The following BCAT1 variants were observed in gnomAD, a reference collection of about 807,000 sequenced individuals.
The protein encoded by BCAT1 is branched-chain-amino-acid aminotransferase, cytosolic.
BCAT1 carries 48 observed loss-of-function variants against 52.4 expected under a neutral mutation model. The observed-to-expected ratio is 0.92, with a 90% confidence interval of 0.73 to 1.16. The LOEUF is 1.16. BCAT1 is among the 50% of genes most tolerant of loss of function. BCAT1 has a pLI of 0.00. For missense variants in BCAT1, 451 were observed against 457.1 expected, an observed-to-expected ratio of 0.99 and a Z score of 0.12; for synonymous variants, 167 against 161.3, an observed-to-expected ratio of 1.04 and a Z score of -0.27.
At chr12:24,941,319 T>C (rs1943845249) in intron 1 of BCAT1, among the ~76,000 whole-genome samples, 1 of 152,198 alleles carries the variant, frequency 6.6e-6, no homozygotes. Flanking sequence ...TGCAGCTATA[T>C]GAGTCTGGCA....
At chr12:24,924,642 C>T (rs1943552977) in intron 1 of BCAT1, among the ~76,000 whole-genome samples, 1 of 151,684 alleles carries the variant, frequency 6.6e-6, no homozygotes. Flanking sequence ...CTGAATTATT[C>T]AAAACAATGT....
At chr12:24,917,348 T>C (rs1005597260) in intron 1 of BCAT1, among the ~76,000 whole-genome samples, 2 of 152,108 alleles carry the variant, frequency 1.3e-5, no homozygotes, top group Non-Finnish European at 2.9e-5. Context: ...CCGGCTAATT[T>C]TGTTTTTGTG....
chr12:24,913,523 C>A (rs1408297441), intron 1 of BCAT1, among the ~76,000 whole-genome samples: 1 of 152,176 alleles, frequency 6.6e-6, no homozygotes, highest in Non-Finnish European at 1.5e-5. Flanking sequence ...CTCAGGGTTG[C>A]CATCCAACAG....
intron 5 of BCAT1, among the ~76,000 whole-genome samples, chr12:24,860,994 C>T (rs1941834970): frequency 6.6e-6 from 1 of 152,150 alleles, no homozygotes; most frequent in East Asian, 1.9e-4. Context: ...TACAAATAAC[C>T]AGGCCAAGCA....
chr12:24,884,990 A>G (rs1279547669), intron 3 of BCAT1, among the ~76,000 whole-genome samples: 1 of 152,216 alleles, frequency 6.6e-6, no homozygotes, highest in Non-Finnish European at 1.5e-5. Context: ...CGTTATACTT[A>G]ATGGTAAAAT....
intron 1 of BCAT1, among the ~76,000 whole-genome samples, chr12:24,918,735 G>T (rs2139716969): frequency 6.6e-6 from 1 of 152,270 alleles, no homozygotes; most frequent in South Asian, 2.1e-4. Flanking sequence ...AGAATCGCAA[G>T]TCACTGTGAC....
At chr12:24,868,123 A>G (rs1942078080) in intron 5 of BCAT1, among the ~76,000 whole-genome samples, 1 of 152,258 alleles carries the variant, frequency 6.6e-6, no homozygotes, top group African/African-American at 2.4e-5. Context: ...GAAATGGCAG[A>G]TTCCCTCAGA....
At chr12:24,880,617 C>G (rs1942464955) in intron 4 of BCAT1, among the ~76,000 whole-genome samples, 1 of 152,178 alleles carries the variant, frequency 6.6e-6, no homozygotes, top group Non-Finnish European at 1.5e-5. Flanking sequence ...ATCTTGCTAG[C>G]ATCTAAAGCA....
chr12:24,872,397 T>A (rs966274924), intron 5 of BCAT1, among the ~76,000 whole-genome samples: 9 of 152,238 alleles, frequency 5.9e-5, no homozygotes, highest in Non-Finnish European at 4.4e-5. Context: ...ATGGGAGTTC[T>A]AATGAACATT....
chr12:24,840,551 A>G (rs1253136645), intron 7 of BCAT1, among the ~76,000 whole-genome samples: 1 of 152,186 alleles, frequency 6.6e-6, no homozygotes, highest in Admixed American at 6.5e-5. Flanking sequence ...GATGAGAATG[A>G]TCTGTATCTG....
intron 1 of BCAT1, among the ~76,000 whole-genome samples, chr12:24,915,129 G>A (rs1012152546): frequency 2.0e-5 from 3 of 148,616 alleles, no homozygotes; most frequent in African/African-American, 7.4e-5. Context: ...TTTTTTTTTT[G>A]CTTTGATATT....
rs2139296358 is a variant in BCAT1 at position 24,816,395 on chromosome 12, TTC to T, written c.*1611_*1612del. 4 of 397,016 alleles carry T rather than the reference TTC, an allele frequency of 1.0e-5. No homozygotes were observed. In the East Asian group the frequency reaches 1.4e-4, roughly 14 times the overall value. The allele number at this position is 397,016 out of a possible 1,614,324, so 24.6% of individuals were successfully genotyped here. ...AGTTGACCTTCCAAGGAAAAATGTTTTCTGTCAAGATTTGACTTTCCTTAGAT... is the reference window on the plus strand; with the variant it reads ...AGTTGACCTTCCAAGGAAAAATGTTTTGTCAAGATTTGACTTTCCTTAGAT... On this transcript the variant is annotated 3_prime_UTR_variant, in exon 11 of 11. Transcript: ENST00000261192.
At chr12:24,944,798 T>C (rs1334552741) in intron 1 of BCAT1, among the ~76,000 whole-genome samples, 1 of 152,242 alleles carries the variant, frequency 6.6e-6, no homozygotes, top group Admixed American at 6.5e-5. Flanking sequence ...GAAAGAGCCA[T>C]ATGTTTTTCA....
intron 5 of BCAT1, among the ~76,000 whole-genome samples, chr12:24,870,096 A>G (rs959220490): frequency 5.9e-5 from 9 of 152,072 alleles, no homozygotes; most frequent in Non-Finnish European, 4.4e-5. Flanking sequence ...AGAACCCTGG[A>G]TGGAAATGAG....
At chr12:24,859,320 A>T (rs1941782701) in intron 5 of BCAT1, among the ~76,000 whole-genome samples, 1 of 152,202 alleles carries the variant, frequency 6.6e-6, no homozygotes, top group African/African-American at 2.4e-5. Flanking sequence ...CCCTCTATCA[A>T]TGAGTAAAGG....
chr12:24,949,175 C>G (rs185919071), upstream of BCAT1: 4 of 540,948 alleles, frequency 7.4e-6, no homozygotes, highest in African/African-American at 1.9e-5. Context: ...GGCTGCTCCC[C>G]CAGGCCGCCC....
rs1324096889 is a variant in BCAT1, at chr12:24,811,072, G to A, written c.*6936C>T. Reference sequence around the variant, plus strand: ...CCCCCATTCTGTGCAAATCTCAAACGACAAAGCTAAGTTTTACTACAGATA... The same window carrying A: ...CCCCCATTCTGTGCAAATCTCAAACAACAAAGCTAAGTTTTACTACAGATA... On this transcript the variant is annotated 3_prime_UTR_variant, in exon 11 of 11. Coordinates refer to ENST00000261192, the MANE Select transcript of BCAT1 (RefSeq NM_005504.7). 1 of 152,146 alleles carries A rather than the reference G, an allele frequency of 6.6e-6. No homozygotes were observed. Among genetic ancestry groups the A allele is most frequent in the Non-Finnish European group, 1.5e-5 (1 of 68,030 alleles). 9.4% of individuals were successfully genotyped at this position (152,146 alleles called of 1,614,324 possible).
At chr12:24,845,381 G>A (rs941937536) in intron 6 of BCAT1, among the ~76,000 whole-genome samples, 2 of 151,974 alleles carry the variant, frequency 1.3e-5, no homozygotes, top group African/African-American at 2.4e-5. Context: ...AAAAGACAAA[G>A]ACAACAGATA....
intron 10 of BCAT1, among the ~76,000 whole-genome samples, chr12:24,825,054 T>C (rs530040669): frequency 2.0e-5 from 3 of 152,204 alleles, no homozygotes; most frequent in South Asian, 4.1e-4. Context: ...TCCAGTTCCA[T>C]ACATGTTGCT....
Sources: gnomAD v4.1 joint callset for allele counts (sites outside exome capture counted in the v4.1 genomes callset) on GRCh38, gnomAD v4.1.1 for gene constraint, MANE v1.5 for transcripts, NCBI Gene and HGNC (gene_info 2026-07-23, HGNC 2026-07-21) for gene names.